DIXDC1: variants seen among roughly 807,000 people sequenced by gnomAD.
The protein encoded by DIXDC1 is DIX domain containing 1.
DIXDC1 carries 64 observed loss-of-function variants against 103.1 expected under a neutral mutation model. That is an observed-to-expected ratio of 0.62 (90% CI 0.51 to 0.76). The LOEUF (loss-of-function observed/expected upper bound fraction) is 0.76, where lower values mean the gene tolerates loss of function less well. Ranked by LOEUF, DIXDC1 falls within the 30% of genes least tolerant of loss-of-function variation. The pLI, the probability that DIXDC1 is intolerant of heterozygous loss-of-function variation, is 0.00. For synonymous variants in DIXDC1, 266 were observed against 298.5 expected, an observed-to-expected ratio of 0.89 and a Z score of 1.12; for missense variants, 759 against 834.2, an observed-to-expected ratio of 0.91 and a Z score of 1.11.
intron 2 of DIXDC1, among the ~76,000 whole-genome samples, chr11:111,966,692 C>T (rs1392197866): frequency 3.3e-5 from 5 of 152,164 alleles, no homozygotes; most frequent in East Asian, 1.9e-4. Flanking sequence ...CGTGAGCCAC[C>T]GCGTCCAGCC....
intron 1 of DIXDC1, among the ~76,000 whole-genome samples, chr11:111,929,588 A>G (rs1289050392): frequency 2.6e-5 from 4 of 151,256 alleles, no homozygotes; most frequent in African/African-American, 9.7e-5. Flanking sequence ...ATCTCTAAAA[A>G]AAAAAAAAAA....
At chr11:111,994,776 G>T (rs1181011698) in intron 14 of DIXDC1, among the ~76,000 whole-genome samples, 2 of 152,106 alleles carry the variant, frequency 1.3e-5, no homozygotes, top group Non-Finnish European at 2.9e-5. Flanking sequence ...CCAGGTGGAG[G>T]TTAGCATTTC....
At chr11:111,954,837 A>G (rs1966875826) in intron 1 of DIXDC1, among the ~76,000 whole-genome samples, 1 of 152,166 alleles carries the variant, frequency 6.6e-6, no homozygotes, top group Admixed American at 6.5e-5. Flanking sequence ...GGAAAGGATG[A>G]ACTCTGTGGT....
chr11:111,960,008 C>G (rs1346740521), intron 1 of DIXDC1, among the ~76,000 whole-genome samples: 1 of 152,054 alleles, frequency 6.6e-6, no homozygotes, highest in Admixed American at 6.5e-5. Context: ...CTCCCAGGCT[C>G]AAGTGATTCT....
rs115148887 is a variant in DIXDC1, at chr11:111,939,689, A to G, written c.60+2130A>G. Among the ~76,000 whole-genome samples, 979 of 152,342 alleles carry G rather than the reference A, an allele frequency of 6.4e-3. 11 individuals are homozygous for G. Among genetic ancestry groups the G allele is most frequent in the African/African-American group, 0.022 (923 of 41,576 alleles). ...TTTAAATAATTCTTTCACATTCTAT[A>G]TTAAATAATTCATTTTACATACAAT... On this transcript the variant is annotated intron_variant, in intron 1 of 19. Coordinates refer to ENST00000440460, the MANE Select transcript of DIXDC1 (RefSeq NM_001037954.4).
chr11:111,950,600 C>G (rs1441718707), intron 1 of DIXDC1, among the ~76,000 whole-genome samples: 1 of 150,822 alleles, frequency 6.6e-6, no homozygotes, highest in Non-Finnish European at 1.5e-5. Flanking sequence ...GGATTACAGG[C>G]GTGTGCCACC....
chr11:111,928,858 C>T (rs1251211672), intron 1 of DIXDC1, among the ~76,000 whole-genome samples: 3 of 152,108 alleles, frequency 2.0e-5, no homozygotes, highest in Admixed American at 6.6e-5. Flanking sequence ...GATAGTACTT[C>T]GTAAGCTTAA....
At position 112,017,954 on chromosome 11, in the gene DIXDC1, G is replaced by C. The variant is rs1350443316; in HGVS notation, c.1971+69G>C. The C allele has an allele frequency of 1.6e-6, 2 of 1,282,216 alleles. No individual in the cohort carries two copies. Among genetic ancestry groups the C allele is most frequent in the Non-Finnish European group, 2.2e-6 (2 of 911,192 alleles). 79.4% of individuals were successfully genotyped at this position (1,282,216 alleles called of 1,614,324 possible). A position where few individuals can be genotyped will look rare whatever the true frequency, so the allele number is the denominator to read the frequency against. ...CTGAACCCTGAAGCCTCCTGTTCAA[G>C]CACTAGTGTCCAGAAGTACATGAGT... is the stretch of plus-strand genomic sequence containing the variant. On this transcript the variant is annotated intron_variant, in intron 19 of 19. Transcript: ENST00000440460. The surrounding 1 kb of genome is among the most constrained non-coding windows in gnomAD (Gnocchi z 4.0).
At chr11:111,983,868 G>C (rs2137556530) in intron 7 of DIXDC1, among the ~76,000 whole-genome samples, 1 of 152,228 alleles carries the variant, frequency 6.6e-6, no homozygotes, top group Admixed American at 6.5e-5. Context: ...GCATCCACTG[G>C]GCTTCTTAAC....
At chr11:111,989,955 A>AT (rs1348230756) in intron 10 of DIXDC1, among the ~76,000 whole-genome samples, 3 of 145,840 alleles carry the variant, frequency 2.1e-5, no homozygotes, top group Non-Finnish European at 4.5e-5. Flanking sequence ...CGCCCGGCTA[A>AT]TTTTTTGTAT....
chr11:111,996,305 CTA>C (rs782488205), intron 17 of DIXDC1, 159 bp downstream of exon 17: 7 of 615,474 alleles, frequency 1.1e-5, no homozygotes, highest in East Asian at 9.5e-5. Context: ...AGTTCTAAGA[CTA>C]TGAAGACATA....
At chr11:111,927,592 C>G (rs935421265) in intron 1 of DIXDC1, among the ~76,000 whole-genome samples, 3 of 152,138 alleles carry the variant, frequency 2.0e-5, no homozygotes, top group African/African-American at 7.2e-5. Flanking sequence ...GGGTAACGCA[C>G]TCCCCTTTCT....
At chr11:112,014,953 C>T (rs1273796113) in intron 17 of DIXDC1, among the ~76,000 whole-genome samples, 48 of 151,448 alleles carry the variant, frequency 3.2e-4, no homozygotes, top group Admixed American at 2.8e-3. Flanking sequence ...GGCTCGATCT[C>T]GGCTCACTGC....
In DIXDC1 at chr11:111,937,470, AC is replaced by A; in HGVS notation, c.-26del. ...GGCGGCGGCGGCCGCCGGGCTGGAG[AC>A]CCCGCCCGGGGAGCCCCCAGCAGGA... is the stretch of plus-strand genomic sequence containing the variant. On this transcript the variant is annotated 5_prime_UTR_variant, in exon 1 of 20. Transcript: ENST00000440460. The A allele has an allele frequency of 6.4e-7, 1 of 1,562,396 alleles. No homozygotes were observed.
chr11:111,981,638 C>T (rs1007723207), intron 6 of DIXDC1, among the ~76,000 whole-genome samples: 6 of 152,206 alleles, frequency 3.9e-5, no homozygotes, highest in African/African-American at 1.4e-4. Context: ...CTCATTTAAT[C>T]TTTGCAGCAA....
In DIXDC1 at chr11:112,020,670, A is replaced by G. The variant is rs1289645521; in HGVS notation, c.*1634A>G. 1.3e-5 allele frequency: 2 copies of G among 152,204 alleles called. No individual in the cohort carries two copies. The highest frequency in any genetic ancestry group is 2.9e-5 in the Non-Finnish European group (2 of 68,044). The allele number at this position is 152,204 out of a possible 1,614,324, so 9.4% of individuals were successfully genotyped here. On this transcript the variant is annotated 3_prime_UTR_variant, in exon 20 of 20. Coordinates refer to ENST00000440460, the MANE Select transcript of DIXDC1 (RefSeq NM_001037954.4). ...GCTTTATTTTATTACGAGTATATTA[A>G]TGACAACTAATTCCTGTTCCAATTC...
chr11:111,934,816 A>T (rs1439437600), upstream of DIXDC1, among the ~76,000 whole-genome samples: 1 of 152,246 alleles, frequency 6.6e-6, no homozygotes, highest in Non-Finnish European at 1.5e-5. Flanking sequence ...GAGGCAGACT[A>T]TGTAAAATAG....
chr11:111,994,941 G>A (rs1860841079), intron 14 of DIXDC1, 78 bp from the exon 15 acceptor site: 9 of 1,314,006 alleles, frequency 6.8e-6, no homozygotes, highest in Non-Finnish European at 9.7e-6. Flanking sequence ...AGTGATAAAT[G>A]TAAAGAAGAA....
intron 2 of DIXDC1, among the ~76,000 whole-genome samples, chr11:111,930,313 T>A (rs1408919064): frequency 6.6e-6 from 1 of 151,982 alleles, no homozygotes; most frequent in Non-Finnish European, 1.5e-5. Flanking sequence ...ATTCTTGCAG[T>A]CACTATATAT....
Sources: allele counts gnomAD v4.1 joint callset (sites outside exome capture counted in the v4.1 genomes callset), GRCh38; gene constraint gnomAD v4.1.1; non-coding constraint Gnocchi (gnomAD v3.1); transcripts MANE v1.5; gene names NCBI Gene and HGNC (gene_info 2026-07-23, HGNC 2026-07-21).